The following LHFPL6 variants were observed in gnomAD, a reference collection of about 807,000 sequenced individuals.
LHFPL6 encodes LHFPL tetraspan subfamily member 6.
Under a neutral mutation model 20.6 loss-of-function variants are expected in LHFPL6, and 9 were observed. The observed-to-expected ratio is 0.44, with a 90% confidence interval of 0.26 to 0.76. The LOEUF is 0.76. Ranked by LOEUF, LHFPL6 falls within the 30% of genes least tolerant of loss-of-function variation. LHFPL6 has a pLI of 0.20. For synonymous variants in LHFPL6, 105 were observed against 98.7 expected, an observed-to-expected ratio of 1.06 and a Z score of -0.38; for missense variants, 218 against 253.5, an observed-to-expected ratio of 0.86 and a Z score of 0.95.
chr13:39,600,869 T>TCTTCCC lies in LHFPL6; in HGVS notation c.347_348insGGGAAG (p.Thr116_Val117insGlyArg), dbSNP rs752711417. On this transcript the variant is annotated inframe_insertion, in exon 2 of 4. Transcript: ENST00000379589. ...GAATTCCTCCAGCCACTCTTCCCACTGTCCTGGAGATGAGGTCGGAAACAC... is the reference window on the plus strand; with the variant it reads ...GAATTCCTCCAGCCACTCTTCCCACTCTTCCCGTCCTGGAGATGAGGTCGGAAACAC... 3.3e-6 allele frequency: 5 copies of TCTTCCC among 1,506,856 alleles called. No individual in the cohort carries two copies. The highest frequency in any genetic ancestry group is 4.4e-6 in the Non-Finnish European group (5 of 1,124,582). 93.3% of individuals were successfully genotyped at this position (1,506,856 alleles called of 1,614,324 possible).
intron 2 of LHFPL6, among the ~76,000 whole-genome samples, chr13:39,394,349 T>A (rs1870789961): frequency 6.6e-6 from 1 of 152,166 alleles, no homozygotes; most frequent in Non-Finnish European, 1.5e-5. Context: ...CATAGTCACA[T>A]TCTGAGGTAC....
chr13:39,410,842 G>T (rs1172750223), intron 2 of LHFPL6, among the ~76,000 whole-genome samples: 1 of 152,146 alleles, frequency 6.6e-6, no homozygotes, highest in Non-Finnish European at 1.5e-5. Flanking sequence ...GAATCAAGAA[G>T]TCATTGTCCC....
intron 2 of LHFPL6, among the ~76,000 whole-genome samples, chr13:39,490,175 T>C (rs977077143): frequency 6.6e-5 from 10 of 151,964 alleles, no homozygotes; most frequent in African/African-American, 2.4e-4. Context: ...CTTCACTGAG[T>C]GCAAAACACG....
intron 2 of LHFPL6, among the ~76,000 whole-genome samples, chr13:39,597,358 T>G (rs1872801224): frequency 6.6e-6 from 1 of 152,258 alleles, no homozygotes; most frequent in Admixed American, 6.5e-5. Flanking sequence ...GTGTATCATT[T>G]GCAGGGCATG....
chr13:39,386,863 T>C (rs959260487), intron 2 of LHFPL6, among the ~76,000 whole-genome samples: 3 of 152,204 alleles, frequency 2.0e-5, no homozygotes, highest in Non-Finnish European at 2.9e-5. Flanking sequence ...TTGAGCTTTT[T>C]CATCTCTGAA....
intron 2 of LHFPL6, among the ~76,000 whole-genome samples, chr13:39,514,282 G>T (rs1000302823): frequency 2.0e-5 from 3 of 152,122 alleles, no homozygotes; most frequent in Non-Finnish European, 4.4e-5. Context: ...GGTCACAAGT[G>T]ACAAAGCTCT....
rs67172252 is a variant in LHFPL6 at position 39,343,603 on chromosome 13, TTGTGTGTGTG to T, written c.*323_*332del. On this transcript the variant is annotated 3_prime_UTR_variant, in exon 4 of 4. Transcript: ENST00000379589. ...ACCCTTGTTTGTATATGTAGATTTG[TTGTGTGTGTG>T]TGTGTGTGTGTGTGTGTGTGTGTGT... 1,509 of 194,934 alleles carry T rather than the reference TTGTGTGTGTG, an allele frequency of 7.7e-3. 12 individuals are homozygous for T. The highest frequency in any genetic ancestry group is 0.03 in the African/African-American group (1,175 of 39,088). The allele number at this position is 194,934 out of a possible 1,614,324, so 12.1% of individuals were successfully genotyped here.
At chr13:39,345,817 C>T (rs576695438) in intron 3 of LHFPL6, among the ~76,000 whole-genome samples, 3 of 152,282 alleles carry the variant, frequency 2.0e-5, no homozygotes, top group Non-Finnish European at 2.9e-5. Flanking sequence ...ACCCTAAAAG[C>T]TTGCTATGTA....
At chr13:39,523,852 G>A (rs1250938323) in intron 2 of LHFPL6, among the ~76,000 whole-genome samples, 2 of 152,044 alleles carry the variant, frequency 1.3e-5, no homozygotes, top group South Asian at 2.1e-4. Context: ...CAAGAAAGAC[G>A]GAAAAGAGGT....
intron 2 of LHFPL6, among the ~76,000 whole-genome samples, chr13:39,564,839 G>T (rs1351831698): frequency 6.6e-6 from 1 of 152,186 alleles, no homozygotes; most frequent in Non-Finnish European, 1.5e-5. Flanking sequence ...TAACTCTGAT[G>T]TGACAAAATT....
At chr13:39,446,269 G>T (rs1442159846) in intron 2 of LHFPL6, among the ~76,000 whole-genome samples, 3 of 152,168 alleles carry the variant, frequency 2.0e-5, no homozygotes, top group African/African-American at 7.2e-5. Flanking sequence ...CTTATCTTTT[G>T]TGTATGTATC....
At chr13:39,420,114 T>G (rs960098706) in intron 2 of LHFPL6, among the ~76,000 whole-genome samples, 1 of 152,206 alleles carries the variant, frequency 6.6e-6, no homozygotes, top group African/African-American at 2.4e-5. Context: ...TCAGGCTATC[T>G]GGAGTCTGTA....
intron 2 of LHFPL6, among the ~76,000 whole-genome samples, chr13:39,518,601 C>G (rs1870004759): frequency 6.6e-6 from 1 of 152,162 alleles, no homozygotes; most frequent in African/African-American, 2.4e-5. Flanking sequence ...TGACACTTCA[C>G]ACTGAATCAA....
chr13:39,404,896 A>G (rs1355488872), intron 2 of LHFPL6, among the ~76,000 whole-genome samples: 1 of 152,224 alleles, frequency 6.6e-6, no homozygotes, highest in Non-Finnish European at 1.5e-5. Context: ...TGAATGGTCA[A>G]TAAATTCAAT....
intron 2 of LHFPL6, among the ~76,000 whole-genome samples, chr13:39,484,453 G>T (rs1003405091): frequency 3.9e-5 from 6 of 152,074 alleles, no homozygotes; most frequent in Non-Finnish European, 8.8e-5. Context: ...CAATAAACAT[G>T]ATCCTGATTT....
intron 2 of LHFPL6, among the ~76,000 whole-genome samples, chr13:39,538,369 A>C (rs568078812): frequency 6.6e-6 from 1 of 151,082 alleles, no homozygotes; most frequent in African/African-American, 2.4e-5. Context: ...ACAAATCTTC[A>C]GATCTGATGC....
At chr13:39,433,366 C>T (rs188581966) in intron 2 of LHFPL6, among the ~76,000 whole-genome samples, 3 of 152,278 alleles carry the variant, frequency 2.0e-5, no homozygotes, top group Admixed American at 2.0e-4. Context: ...GGATCAAGAG[C>T]TTTATAACTT....
chr13:39,467,242 G>A (rs1872826762), intron 2 of LHFPL6, among the ~76,000 whole-genome samples: 1 of 152,094 alleles, frequency 6.6e-6, no homozygotes, highest in Admixed American at 6.6e-5. Context: ...CCTGAGTCTG[G>A]GTGCCACGTC....
rs556478888 is a variant in LHFPL6 at position 39,419,124 on chromosome 13, A to T, written c.386-40598T>A. Among the ~76,000 whole-genome samples the T allele has an allele frequency of 3.3e-5, 5 of 152,334 alleles. No individual in the cohort carries two copies. In the South Asian group the frequency reaches 6.2e-4, roughly 19 times the overall value. On this transcript the variant is annotated intron_variant, in intron 2 of 3. Transcript: ENST00000379589. ...AAATGTGGGCTGTACCAGTCCATCT[A>T]CTTAGCTTCTGGAGACAGCTTCAAC...
Sources: gnomAD v4.1 joint callset for allele counts (sites outside exome capture counted in the v4.1 genomes callset) on GRCh38, gnomAD v4.1.1 for gene constraint, MANE v1.5 for transcripts, NCBI Gene and HGNC (gene_info 2026-07-23, HGNC 2026-07-21) for gene names.